NPAS3: variants seen among roughly 807,000 people sequenced by gnomAD.
NPAS3 encodes the protein neuronal PAS domain-containing protein 3.
In NPAS3, 14 loss-of-function variants were observed where a neutral mutation model predicts 73.1. That is an observed-to-expected ratio of 0.19 (90% CI 0.13 to 0.30). The LOEUF is 0.30. Among genes scored for constraint, NPAS3 ranks in the 10% least tolerant of loss-of-function variants. The pLI, the probability that NPAS3 is intolerant of heterozygous loss-of-function variation, is 1.00. For missense variants in NPAS3, 1,096 were observed against 1,250.0 expected (o/e 0.88, Z 1.86); for synonymous variants, 620 against 541.5 (o/e 1.14, Z -2.01).
chr14:33,209,610 C>A (rs746838112), intron 2 of NPAS3, among the ~76,000 whole-genome samples: 1 of 152,164 alleles, frequency 6.6e-6, no homozygotes, highest in Non-Finnish European at 1.5e-5. Flanking sequence ...ACAGGTCGAC[C>A]TTCTTCCTTT....
In NPAS3 at chr14:33,368,292, T is replaced by A. The variant is rs1315127; in HGVS notation, c.468+1024T>A. Among the ~76,000 whole-genome samples the A allele has an allele frequency of 4.7e-5, 7 of 149,710 alleles. No homozygotes were observed. The East Asian group carries it at 1.4e-3, about 29-fold the overall frequency. On this transcript the variant is annotated intron_variant, in intron 4 of 11. Transcript: ENST00000356141. ...CTTTTAAGTATGTGCATTAGGAAAC[T>A]ATTATGTGATTCTGCGTTAAAAAAA...
intron 2 of NPAS3, among the ~76,000 whole-genome samples, chr14:33,131,011 A>G (rs1287443455): frequency 6.6e-6 from 1 of 152,126 alleles, no homozygotes; most frequent in Non-Finnish European, 1.5e-5. Flanking sequence ...GAGAAGTTTC[A>G]AACCATCCAT....
chr14:33,051,308 A>T (rs921434974), intron 1 of NPAS3, among the ~76,000 whole-genome samples: 1 of 149,416 alleles, frequency 6.7e-6, no homozygotes, highest in African/African-American at 2.5e-5. Flanking sequence ...GAGAGACTAA[A>T]GAACTTCCCC....
intron 4 of NPAS3, among the ~76,000 whole-genome samples, chr14:33,439,711 CTCG>C (rs1414843988): frequency 6.6e-6 from 1 of 152,184 alleles, no homozygotes; most frequent in African/African-American, 2.4e-5. Flanking sequence ...AAAGCAGTAA[CTCG>C]TCAGTGCTAA....
At chr14:33,298,031 C>T (rs1177879941) in intron 3 of NPAS3, among the ~76,000 whole-genome samples, 1 of 152,144 alleles carries the variant, frequency 6.6e-6, no homozygotes. Flanking sequence ...GCTGTAATCC[C>T]AGCACTTTGG....
chr14:33,435,011 G>A (rs977933288), intron 4 of NPAS3, among the ~76,000 whole-genome samples: 1 of 152,068 alleles, frequency 6.6e-6, no homozygotes, highest in Non-Finnish European at 1.5e-5. Context: ...ATATTGGGAG[G>A]GAATAGACTC....
At chr14:32,960,987 A>T (rs12884155) in intron 1 of NPAS3, among the ~76,000 whole-genome samples, 42,513 of 152,182 alleles carry the variant, frequency 0.28, 6,246 homozygotes, top group African/African-American at 0.32. Flanking sequence ...TGATAATTTC[A>T]TGGCAGCTCT....
chr14:33,650,398 G>C (rs1054137826), intron 5 of NPAS3, among the ~76,000 whole-genome samples: 10 of 152,086 alleles, frequency 6.6e-5, no homozygotes, highest in Admixed American at 6.5e-4. Flanking sequence ...TTTGCCCTTT[G>C]TAGCTAGAGA....
chr14:33,179,808 G>T (rs2045726018), intron 2 of NPAS3, among the ~76,000 whole-genome samples: 1 of 152,168 alleles, frequency 6.6e-6, no homozygotes, highest in African/African-American at 2.4e-5. Context: ...TCCAAGAAGG[G>T]CATGAAGAAA....
intron 2 of NPAS3, among the ~76,000 whole-genome samples, chr14:33,088,778 T>C (rs150847280): frequency 1.5e-3 from 229 of 152,204 alleles, no homozygotes; most frequent in African/African-American, 5.3e-3. Flanking sequence ...AACCCCCCAG[T>C]AGGGGCACAC....
chr14:33,084,384 A>G (rs1471799956), intron 2 of NPAS3, among the ~76,000 whole-genome samples: 1 of 152,236 alleles, frequency 6.6e-6, no homozygotes, highest in Non-Finnish European at 1.5e-5. Context: ...TCCTGAGGTC[A>G]GTGCAAAGGA....
chr14:33,490,145 A>G (rs1252059917), intron 4 of NPAS3, among the ~76,000 whole-genome samples: 2 of 152,174 alleles, frequency 1.3e-5, no homozygotes, highest in Non-Finnish European at 2.9e-5. Context: ...GTGTCTGAGC[A>G]TCACTGAAGA....
At chr14:33,779,139 C>T (rs1292959198) in intron 9 of NPAS3, among the ~76,000 whole-genome samples, 1 of 152,192 alleles carries the variant, frequency 6.6e-6, no homozygotes, top group Non-Finnish European at 1.5e-5. Flanking sequence ...GTATCTCCAT[C>T]CCCCAACTCC....
intron 5 of NPAS3, among the ~76,000 whole-genome samples, chr14:33,564,182 G>T (rs1203272548): frequency 6.6e-6 from 1 of 152,086 alleles, no homozygotes; most frequent in African/African-American, 2.4e-5. Flanking sequence ...CTCATAAAAA[G>T]ACCATTTATT....
rs566359292 is a variant in NPAS3 at position 33,308,666 on chromosome 14, T to C, written c.386-58520T>C. Among the ~76,000 whole-genome samples the C allele has an allele frequency of 2.6e-5, 4 of 151,672 alleles. No homozygotes were observed. The East Asian group carries it at 7.7e-4, about 29-fold the overall frequency. ...TTATTTTTTAGTAGAACTTGGAAAT[T>C]TGTCACTTTTGGTTTAGAGGTATGT... On this transcript the variant is annotated intron_variant, in intron 3 of 11. Coordinates refer to ENST00000356141, the Ensembl canonical transcript of NPAS3.
At chr14:32,939,958 G>GGCC (rs1037909260) in intron 1 of NPAS3, among the ~76,000 whole-genome samples, 1 of 152,134 alleles carries the variant, frequency 6.6e-6, no homozygotes, top group African/African-American at 2.4e-5. Context: ...AGAGGAGCGC[G>GGCC]GCCGCCGCCT....
At chr14:33,582,106 A>G (rs2056688591) in intron 5 of NPAS3, 1 of 152,236 alleles carries the variant, frequency 6.6e-6, no homozygotes, top group Admixed American at 6.5e-5. Flanking sequence ...AATGAAGTCA[A>G]AAGGACAACA....
intron 6 of NPAS3, among the ~76,000 whole-genome samples, chr14:33,693,790 C>T (rs549997974): frequency 6.6e-6 from 1 of 152,204 alleles, no homozygotes; most frequent in Non-Finnish European, 1.5e-5. Flanking sequence ...TTTTCAAAAA[C>T]CAAACCTAAT....
chr14:33,725,464 A>G (rs1205039789), intron 6 of NPAS3, among the ~76,000 whole-genome samples: 1 of 151,986 alleles, frequency 6.6e-6, no homozygotes, highest in Non-Finnish European at 1.5e-5. Flanking sequence ...CATTATGGGG[A>G]TTTTTTTAAA....
Sources: gnomAD v4.1 joint callset for allele counts (sites outside exome capture counted in the v4.1 genomes callset) on GRCh38, gnomAD v4.1.1 for gene constraint, MANE v1.5 for transcripts, NCBI Gene and HGNC (gene_info 2026-07-23, HGNC 2026-07-21) for gene names.